NCOA3: variants seen among roughly 807,000 people sequenced by gnomAD.
NCOA3 encodes nuclear receptor coactivator 3.
Under a neutral mutation model 158.8 loss-of-function variants are expected in NCOA3, and 51 were observed. The observed-to-expected ratio is 0.32, with a 90% confidence interval of 0.26 to 0.41. NCOA3 has a LOEUF of 0.41. Among genes scored for constraint, NCOA3 ranks in the 10% least tolerant of loss-of-function variants. NCOA3 has a pLI of 1.00. For missense variants in NCOA3, 1,510 were observed against 1,746.6 expected (o/e 0.86, Z 2.41); for synonymous variants, 537 against 592.4 (o/e 0.91, Z 1.36).
intron 1 of NCOA3, among the ~76,000 whole-genome samples, chr20:47,579,473 GAA>G (rs979627975): frequency 1.1e-4 from 16 of 152,010 alleles, no homozygotes; most frequent in African/African-American, 3.1e-4. Flanking sequence ...TTTTGATAAA[GAA>G]AAAAAATACT....
At chr20:47,639,314 A>G (rs778696512) in intron 14 of NCOA3, 112 bp downstream of exon 14, 33 of 998,054 alleles carry the variant, frequency 3.3e-5, no homozygotes, top group East Asian at 7.6e-5. Context: ...TAACGTTAGT[A>G]TGTTTCTTCC....
chr20:47,643,855 G>A (rs530930735), intron 17 of NCOA3, among the ~76,000 whole-genome samples: 1 of 150,386 alleles, frequency 6.6e-6, no homozygotes, highest in Non-Finnish European at 1.5e-5. Context: ...CTGGCATCTA[G>A]TGTGGCCACT....
intron 3 of NCOA3, 77 bp downstream of exon 3, chr20:47,622,407 T>C: frequency 1.0e-6 from 1 of 987,210 alleles, no homozygotes; most frequent in South Asian, 1.8e-5. Context: ...CTTCTTGCCA[T>C]TTACATTCTC....
chr20:47,573,601 C>T (rs6066390), intron 1 of NCOA3, among the ~76,000 whole-genome samples: 25,495 of 152,118 alleles, frequency 0.17, 2,794 homozygotes, highest in South Asian at 0.29. Flanking sequence ...TTGTAAAAAG[C>T]GCAATATCTG....
Position 47,652,945 on chromosome 20 carries a change from A to G in NCOA3, c.4136A>G (p.Gln1379Arg), listed in dbSNP as rs1426462660. The G allele has an allele frequency of 3.1e-6, 5 of 1,614,090 alleles. No individual in the cohort carries two copies. Among genetic ancestry groups the G allele is most frequent in the Middle Eastern group, 1.6e-4 (1 of 6,084 alleles). Residue 1379 changes from glutamine to arginine, a missense_variant, in exon 22 of 23, where the codon CAG becomes CGG. Gln to Arg is a conservative substitution (Grantham distance 43). Transcript: ENST00000371998. Reference protein sequence around the residue: ...NLARNSSFSQQQFAHQGNPAV... With the variant: ...NLARNSSFSQRQFAHQGNPAV... ...TTTACTTACAGCTCCTTTTCCCAGC[A>G]GCAGTTTGCCCACCAGGGGAATCCT...
intron 1 of NCOA3, among the ~76,000 whole-genome samples, chr20:47,539,431 G>A (rs533949845): frequency 6.6e-6 from 1 of 152,202 alleles, no homozygotes; most frequent in Non-Finnish European, 1.5e-5. Context: ...TATATCCTTA[G>A]TGCTCAGAAT....
At chr20:47,643,260 T>A (rs1397044020) in intron 17 of NCOA3, among the ~76,000 whole-genome samples, 1 of 152,230 alleles carries the variant, frequency 6.6e-6, no homozygotes, top group East Asian at 1.9e-4. Context: ...TGTATAGGTT[T>A]GTGCGTTCAA....
chr20:47,518,460 C>G (rs993089691), intron 1 of NCOA3, among the ~76,000 whole-genome samples: 3 of 135,736 alleles, frequency 2.2e-5, no homozygotes, highest in African/African-American at 8.5e-5. Context: ...GCTCTTGTTG[C>G]CTGCCCAGGC....
Position 47,627,139 on chromosome 20 carries a change from C to T in NCOA3, c.495C>T (p.Asp165=), listed in dbSNP as rs1229388105. The part of the protein sequence containing the change: ...TSVYNILHEE[D]RKDFLKNLPK... ...TTTACAATATCTTACATGAAGAAGA[C>T]AGAAAGGATTTTCTTAAGAATTTAC... Residue 165 remains aspartate (D), a synonymous_variant, in exon 6 of 23, where the codon GAC becomes GAT. Transcript: ENST00000371998. The T allele has an allele frequency of 6.8e-6, 11 of 1,608,854 alleles. No homozygotes were observed. The East Asian group carries it at 2.2e-4, about 33-fold the overall frequency.
At chr20:47,614,685 C>T (rs1319835471) in intron 2 of NCOA3, among the ~76,000 whole-genome samples, 1 of 152,004 alleles carries the variant, frequency 6.6e-6, no homozygotes, top group African/African-American at 2.4e-5. Flanking sequence ...TTGTATATGT[C>T]GATCTCAAAT....
intron 8 of NCOA3, among the ~76,000 whole-genome samples, chr20:47,629,940 G>A (rs1212976581): frequency 6.6e-6 from 1 of 152,118 alleles, no homozygotes. Flanking sequence ...AGGACATGAT[G>A]GAGAAAAAAA....
In NCOA3 at chr20:47,510,139, G is replaced by A. The variant is rs72661181; in HGVS notation, c.-99+8120G>A. Among the ~76,000 whole-genome samples the A allele has an allele frequency of 9.6e-4, 146 of 152,062 alleles. 2 individuals carry two copies. Among genetic ancestry groups the A allele is most frequent in the Admixed American group, 7.2e-3 (110 of 15,260 alleles). On this transcript the variant is annotated intron_variant, in intron 1 of 22. Coordinates refer to ENST00000371998, the MANE Select transcript of NCOA3 (RefSeq NM_181659.3). ...TGGAATCCAGAAAGCGACTTTAAAC[G>A]TACACAGTCATGGCCAGGAGTGGTG...
chr20:47,512,536 C>G (rs901756637), intron 1 of NCOA3, among the ~76,000 whole-genome samples: 1 of 145,122 alleles, frequency 6.9e-6, no homozygotes, highest in African/African-American at 2.6e-5. Context: ...CCACTGCACT[C>G]GAACGTGGCA....
At chr20:47,569,627 G>A (rs2085258929) in intron 1 of NCOA3, among the ~76,000 whole-genome samples, 1 of 151,972 alleles carries the variant, frequency 6.6e-6, no homozygotes, top group Non-Finnish European at 1.5e-5. Context: ...AGGTTGTAGC[G>A]AGCTGAGATT....
chr20:47,596,456 G>A (rs531930209), intron 2 of NCOA3, among the ~76,000 whole-genome samples: 3 of 152,140 alleles, frequency 2.0e-5, no homozygotes, highest in Non-Finnish European at 2.9e-5. Context: ...TGTGAACAAC[G>A]TTGCAATGAT....
intron 1 of NCOA3, among the ~76,000 whole-genome samples, chr20:47,531,796 T>A (rs1199682719): frequency 6.6e-6 from 1 of 152,270 alleles, no homozygotes; most frequent in Admixed American, 6.5e-5. Context: ...CTGTCAACTT[T>A]CCATCCTTCA....
chr20:47,594,865 C>G (rs2085726025), intron 2 of NCOA3, among the ~76,000 whole-genome samples: 1 of 147,688 alleles, frequency 6.8e-6, no homozygotes, highest in Admixed American at 6.8e-5. Context: ...GATCTCAGCT[C>G]ACTGCAACCT....
rs1386552997 is a variant in NCOA3 at position 47,653,713 on chromosome 20, C to G, written c.*296C>G. On this transcript the variant is annotated 3_prime_UTR_variant, in exon 23 of 23. Transcript: ENST00000371998. Reference sequence around the variant, plus strand: ...TCTGGAGACATGGAGTGTTACTGATCATAAAACTTTTGTGTCACTTTTTTC... The same window carrying G: ...TCTGGAGACATGGAGTGTTACTGATGATAAAACTTTTGTGTCACTTTTTTC... The G allele has an allele frequency of 2.5e-6, 1 of 402,108 alleles. No homozygotes were observed. Among genetic ancestry groups the G allele is most frequent in the Non-Finnish European group, 4.4e-6 (1 of 227,604 alleles). The allele number at this position is 402,108 out of a possible 1,614,324, so 24.9% of individuals were successfully genotyped here. A position where few individuals can be genotyped will look rare whatever the true frequency, so the allele number is the denominator to read the frequency against.
At chr20:47,615,769 TATC>T (rs2086121622) in intron 2 of NCOA3, among the ~76,000 whole-genome samples, 1 of 152,244 alleles carries the variant, frequency 6.6e-6, no homozygotes, top group African/African-American at 2.4e-5. Context: ...TTTTAAATCT[TATC>T]ATGGATATAC....
Sources: gnomAD v4.1 joint callset for allele counts (sites outside exome capture counted in the v4.1 genomes callset) on GRCh38, gnomAD v4.1.1 for gene constraint, MANE v1.5 for transcripts, NCBI Gene and HGNC (gene_info 2026-07-23, HGNC 2026-07-21) for gene names.